FYTTD1: variants seen among roughly 807,000 people sequenced by gnomAD.
FYTTD1 encodes UAP56-interacting factor.
FYTTD1 carries 22 observed loss-of-function variants against 40.9 expected under a neutral mutation model. The observed-to-expected ratio is 0.54, with a 90% CI of 0.38 to 0.77. The LOEUF (loss-of-function observed/expected upper bound fraction) is 0.77. FYTTD1 is among the 30% of genes least tolerant of loss of function. The pLI, the probability that FYTTD1 is intolerant of heterozygous loss-of-function variation, is 0.00. For missense variants in FYTTD1, 351 were observed against 392.2 expected (o/e 0.90, Z 0.89); for synonymous variants, 140 against 137.9 (o/e 1.01, Z -0.10).
chr3:197,781,756 A>C, intron 8 of FYTTD1, 55 bp from the exon 9 acceptor site: 1 of 1,236,654 alleles, frequency 8.1e-7, no homozygotes, highest in Admixed American at 2.0e-5. Flanking sequence ...TATGGCCTTC[A>C]GTAAAGTTGT....
chr3:197,774,053 A>G (rs1169369219), intron 5 of FYTTD1, 96 bp from the exon 6 acceptor site: 2 of 996,370 alleles, frequency 2.0e-6, no homozygotes, highest in African/African-American at 1.6e-5. Flanking sequence ...ACTCATGTAC[A>G]CGCACCACTG....
chr3:197,781,410 GT>G (rs1208963467), intron 8 of FYTTD1, among the ~76,000 whole-genome samples: 2 of 150,114 alleles, frequency 1.3e-5, no homozygotes, highest in Non-Finnish European at 3.0e-5. Context: ...AGATGCTGTT[GT>G]TAATAAAAAA....
At chr3:197,779,996 G>A (rs529557395) in intron 8 of FYTTD1, among the ~76,000 whole-genome samples, 2 of 139,248 alleles carry the variant, frequency 1.4e-5, no homozygotes, top group East Asian at 2.2e-4. Context: ...CACTACACCT[G>A]GAGATACAGG....
intron 1 of FYTTD1, chr3:197,750,740 TC>T: frequency 1.0e-6 from 1 of 985,500 alleles, no homozygotes; most frequent in Non-Finnish European, 1.2e-6. Flanking sequence ...AGTCTCCCTC[TC>T]CAGGCCTCAG....
Position 197,785,474 on chromosome 3 carries a change from G to A in FYTTD1, c.*3565G>A, listed in dbSNP as rs999406229. The A allele has an allele frequency of 6.6e-6, 1 of 152,170 alleles. No individual in the cohort carries two copies. Among genetic ancestry groups the A allele is most frequent in the Non-Finnish European group, 1.5e-5 (1 of 68,052 alleles). 9.4% of individuals were successfully genotyped at this position (152,170 alleles called of 1,614,324 possible). The stretch of plus-strand genomic sequence containing the variant: ...GTAAAATACTGTGTCTGAGGAAACA[G>A]GCCTCATTGCTCAGCAGTGAGTTTT... On this transcript the variant is annotated 3_prime_UTR_variant, in exon 9 of 9. Transcript: ENST00000241502.
chr3:197,786,296 G>A lies in FYTTD1; in HGVS notation c.*4387G>A, dbSNP rs524058. 111,950 of 151,564 alleles carry A rather than the reference G, an allele frequency of 0.74. 44,167 individuals carry two copies. The highest frequency in any genetic ancestry group is 0.99 in the East Asian group (5,097 of 5,150). The allele number at this position is 151,564 out of a possible 1,614,324, so 9.4% of individuals were successfully genotyped here. ...ATGCCCAGTTAATTTTGCATTTTTA[G>A]TAGAGACGGGGTTTCTCCATGTTGG... On this transcript the variant is annotated 3_prime_UTR_variant, in exon 9 of 9. Transcript: ENST00000241502.
chr3:197,773,836 C>T (rs1006951504), intron 5 of FYTTD1, among the ~76,000 whole-genome samples: 2 of 142,848 alleles, frequency 1.4e-5, no homozygotes, highest in African/African-American at 5.8e-5. Context: ...TTAGGAAGTT[C>T]TAGAATAGCA....
At chr3:197,779,165 A>C (rs1414728351) in intron 8 of FYTTD1, among the ~76,000 whole-genome samples, 7 of 152,226 alleles carry the variant, frequency 4.6e-5, no homozygotes, top group Non-Finnish European at 8.8e-5. Flanking sequence ...CTGTAATCCC[A>C]GCACTTTGGG....
intron 7 of FYTTD1, among the ~76,000 whole-genome samples, chr3:197,777,724 T>C (rs145510137): frequency 2.0e-5 from 3 of 152,142 alleles, no homozygotes; most frequent in Admixed American, 2.0e-4. Flanking sequence ...CATCTCTTGA[T>C]TTTTTTAAGA....
intron 4 of FYTTD1, among the ~76,000 whole-genome samples, chr3:197,770,600 C>G (rs760525645): frequency 1.3e-5 from 2 of 152,198 alleles, no homozygotes; most frequent in African/African-American, 2.4e-5. Context: ...GGCTGGAGTG[C>G]AGTGGCGCCA....
intron 2 of FYTTD1, among the ~76,000 whole-genome samples, chr3:197,757,205 A>G (rs532811866): frequency 1.3e-5 from 2 of 152,344 alleles, no homozygotes; most frequent in African/African-American, 4.8e-5. Context: ...ACATTTAGTT[A>G]TTTTTGATAA....
At chr3:197,761,330 G>A (rs200295468) in intron 2 of FYTTD1, among the ~76,000 whole-genome samples, 7,672 of 145,740 alleles carry the variant, frequency 0.053, no homozygotes, top group African/African-American at 0.14. Flanking sequence ...CAGTGATAGA[G>A]TGTATAGCAT....
At chr3:197,755,607 G>GGCTT (rs1729188967) in intron 1 of FYTTD1, 1 of 207,658 alleles carries the variant, frequency 4.8e-6, no homozygotes, top group Non-Finnish European at 9.0e-6. Context: ...CGCCATACCC[G>GGCTT]GCTAATTTAT....
intron 8 of FYTTD1, among the ~76,000 whole-genome samples, chr3:197,781,580 CAGAT>C (rs1730029443): frequency 6.6e-6 from 1 of 152,036 alleles, no homozygotes; most frequent in African/African-American, 2.4e-5. Flanking sequence ...GAAAATAATT[CAGAT>C]AGGGGCTTTG....
intron 2 of FYTTD1, among the ~76,000 whole-genome samples, chr3:197,757,114 A>G (rs1348464623): frequency 1.3e-5 from 2 of 152,232 alleles, no homozygotes; most frequent in African/African-American, 2.4e-5. Flanking sequence ...TTATCTTATC[A>G]TCCAAGAACT....
intron 2 of FYTTD1, among the ~76,000 whole-genome samples, chr3:197,762,330 C>T (rs1423471965): frequency 6.9e-6 from 1 of 145,630 alleles, no homozygotes; most frequent in Non-Finnish European, 1.5e-5. Flanking sequence ...GGTGCTCACG[C>T]CTGTAATCCC....
At chr3:197,750,296 A>C in intron 1 of FYTTD1, 1 of 1,048,630 alleles carries the variant, frequency 9.5e-7, no homozygotes, top group Non-Finnish European at 1.2e-6. Context: ...CGGCCGCGGC[A>C]GTCGGAGGAG....
chr3:197,778,555 T>C, intron 8 of FYTTD1, 91 bp downstream of exon 8: 1 of 851,088 alleles, frequency 1.2e-6, no homozygotes, highest in Non-Finnish European at 1.8e-6. Flanking sequence ...ATAAACAAGG[T>C]ATCCTAACTG....
At chr3:197,752,688 C>T (rs1410178954) in intron 1 of FYTTD1, among the ~76,000 whole-genome samples, 1 of 151,678 alleles carries the variant, frequency 6.6e-6, no homozygotes, top group Non-Finnish European at 1.5e-5. Context: ...TATTTTTATA[C>T]ATACACTACA....
Sources: gnomAD v4.1 joint callset for allele counts (sites outside exome capture counted in the v4.1 genomes callset) on GRCh38, gnomAD v4.1.1 for gene constraint, MANE v1.5 for transcripts, NCBI Gene and HGNC (gene_info 2026-07-23, HGNC 2026-07-21) for gene names.